Variants in NEMP2 observed in about 807,000 individuals in gnomAD.
NEMP2 encodes UPF0571 transmembrane protein.
In NEMP2, 53 loss-of-function variants were observed where a neutral mutation model predicts 54.2. The observed-to-expected ratio is 0.98, with a 90% confidence interval of 0.78 to 1.23. The LOEUF is 1.23. Among genes scored for constraint, NEMP2 ranks in the 50% most tolerant of loss-of-function variants. The pLI is 0.00. For missense variants in NEMP2, 455 were observed against 511.3 expected (o/e 0.89, Z 1.06); for synonymous variants, 197 against 190.3 (o/e 1.04, Z -0.29).
chr2:190,435,791 T>A, the NEMP2 span: 1 of 474,420 alleles, frequency 2.1e-6, no homozygotes, highest in East Asian at 3.5e-5. Flanking sequence ...CCATAAAGAG[T>A]ATTCGATTTT....
downstream of NEMP2, chr2:190,499,773 C>G: frequency 6.8e-7 from 1 of 1,462,064 alleles, no homozygotes; most frequent in Non-Finnish European, 9.2e-7. The surrounding 1 kb of genome is among the most constrained non-coding windows in gnomAD (Gnocchi z 6.0). Flanking sequence ...TAGTAATGTT[C>G]CTTTTTCCAC....
At chr2:190,449,052 G>A in the NEMP2 span, among the ~76,000 whole-genome samples, 1 of 152,164 alleles carries the variant, frequency 6.6e-6, no homozygotes, top group Non-Finnish European at 1.5e-5. Context: ...TCCCTAATAT[G>A]CATATTGTCT....
chr2:190,432,981 A>G, the NEMP2 span, among the ~76,000 whole-genome samples: 1 of 152,178 alleles, frequency 6.6e-6, no homozygotes, highest in South Asian at 2.1e-4. Context: ...TTTCCCTATA[A>G]TCAACCAAGG....
At chr2:190,526,837 G>A (rs1294886309) in intron 1 of NEMP2, among the ~76,000 whole-genome samples, 4 of 152,142 alleles carry the variant, frequency 2.6e-5, no homozygotes, top group Admixed American at 2.0e-4. Context: ...GCTGGAGACA[G>A]ATGTAGATAC....
the NEMP2 span, among the ~76,000 whole-genome samples, chr2:190,622,678 G>A: frequency 6.6e-6 from 1 of 152,034 alleles, no homozygotes; most frequent in Non-Finnish European, 1.5e-5. Context: ...AAAAACTTTT[G>A]TGCTTCAATA....
At chr2:190,500,031 G>A, downstream of NEMP2, 1 of 1,614,204 alleles carries the variant, frequency 6.2e-7, no homozygotes, top group South Asian at 1.1e-5. The surrounding 1 kb of genome is among the most constrained non-coding windows in gnomAD (Gnocchi z 5.3). Flanking sequence ...AATGAGAATA[G>A]GGAAAATTCT....
the NEMP2 span, among the ~76,000 whole-genome samples, chr2:190,472,437 A>G: frequency 1.3e-5 from 2 of 152,248 alleles, no homozygotes; most frequent in African/African-American, 4.8e-5. Context: ...ATAGGTGACA[A>G]ATGCACAAGC....
chr2:190,480,353 A>C, the NEMP2 span, among the ~76,000 whole-genome samples: 2 of 151,598 alleles, frequency 1.3e-5, no homozygotes, highest in Admixed American at 1.3e-4. Flanking sequence ...TGTTTAATTC[A>C]TTTTTCAGCC....
chr2:190,609,035 C>A, the NEMP2 span: 1 of 152,020 alleles, frequency 6.6e-6, no homozygotes, highest in Non-Finnish European at 1.5e-5. This position sits in a 1 kb window ranked among gnomAD's most constrained non-coding sequence, Gnocchi z 4.7. Flanking sequence ...TGGCATTGTT[C>A]CTGAACCAAT....
the NEMP2 span, among the ~76,000 whole-genome samples, chr2:190,548,741 GA>G: frequency 6.6e-6 from 1 of 152,174 alleles, no homozygotes; most frequent in Admixed American, 6.5e-5. Context: ...AACAGATTTA[GA>G]AAGCTATACA....
At chr2:190,426,794 G>A in the NEMP2 span, among the ~76,000 whole-genome samples, 2 of 151,946 alleles carry the variant, frequency 1.3e-5, no homozygotes, top group African/African-American at 4.8e-5. The surrounding 1 kb of genome is among the most constrained non-coding windows in gnomAD (Gnocchi z 4.7). Flanking sequence ...ATTTTTTATT[G>A]AAAGCAAGAT....
the NEMP2 span, among the ~76,000 whole-genome samples, chr2:190,583,828 A>G: frequency 6.6e-6 from 1 of 152,194 alleles, no homozygotes; most frequent in Non-Finnish European, 1.5e-5. Context: ...TAATTTTAGG[A>G]AAAGTACTAA....
the NEMP2 span, among the ~76,000 whole-genome samples, chr2:190,564,927 A>C: frequency 3.3e-5 from 5 of 152,246 alleles, no homozygotes; most frequent in Non-Finnish European, 7.3e-5. The surrounding 1 kb of genome is among the most constrained non-coding windows in gnomAD (Gnocchi z 4.2). Context: ...GCCATAGTCT[A>C]AAGTGTGTGC....
At chr2:190,426,997 G>A in the NEMP2 span, among the ~76,000 whole-genome samples, 3 of 152,178 alleles carry the variant, frequency 2.0e-5, no homozygotes, top group Non-Finnish European at 4.4e-5. This position sits in a 1 kb window ranked among gnomAD's most constrained non-coding sequence, Gnocchi z 4.7. Flanking sequence ...CTGTGAAGTG[G>A]AGATGGGCAT....
At chr2:190,429,879 G>A in the NEMP2 span, among the ~76,000 whole-genome samples, 7 of 151,416 alleles carry the variant, frequency 4.6e-5, no homozygotes, top group African/African-American at 1.7e-4. Context: ...TAAGTTCTAG[G>A]GTACATGTGT....
the NEMP2 span, chr2:190,625,664 G>T: frequency 1.3e-5 from 2 of 152,118 alleles, no homozygotes; most frequent in African/African-American, 4.8e-5. Context: ...GATGCTTTAG[G>T]CCACCATCGT....
the NEMP2 span, among the ~76,000 whole-genome samples, chr2:190,487,172 C>G: frequency 9.1e-3 from 1,379 of 152,100 alleles, 24 homozygotes; most frequent in Middle Eastern, 0.051. This position sits in a 1 kb window ranked among gnomAD's most constrained non-coding sequence, Gnocchi z 5.5. Flanking sequence ...GAAACCCTGT[C>G]TCTACTAAAA....
chr2:190,633,964 C>T, the NEMP2 span, among the ~76,000 whole-genome samples: 5 of 151,854 alleles, frequency 3.3e-5, no homozygotes, highest in Admixed American at 6.6e-5. Flanking sequence ...TGTAGCTATT[C>T]GGGAGGCTGA....
chr2:190,453,546 T>A, the NEMP2 span, among the ~76,000 whole-genome samples: 6 of 152,212 alleles, frequency 3.9e-5, no homozygotes, highest in Non-Finnish European at 7.3e-5. Flanking sequence ...CAGTGTTACT[T>A]CTGGAAGCAG....
Sources: gnomAD v4.1 joint callset for allele counts (sites outside exome capture counted in the v4.1 genomes callset) on GRCh38, gnomAD v4.1.1 for gene constraint, Gnocchi (gnomAD v3.1) non-coding constraint, MANE v1.5 for transcripts, NCBI Gene and HGNC (gene_info 2026-07-23, HGNC 2026-07-21) for gene names.